CHODL: variants seen among roughly 807,000 people sequenced by gnomAD.
CHODL encodes chondrolectin.
Under a neutral mutation model 34.5 loss-of-function variants are expected in CHODL, and 29 were observed. The observed-to-expected ratio is 0.84, with a 90% CI of 0.63 to 1.15. The LOEUF is 1.15. CHODL is among the 50% of genes most tolerant of loss of function. CHODL has a pLI of 0.00. For missense variants in CHODL, 332 were observed against 332.5 expected, an observed-to-expected ratio of 1.00 and a Z score of 0.01; for synonymous variants, 125 against 116.1, an observed-to-expected ratio of 1.08 and a Z score of -0.49.
At position 18,256,630 on chromosome 21, in the gene CHODL, C is replaced by T. The variant is rs1483370034; in HGVS notation, c.201C>T (p.Val67=). ...TGGCTTGTGAGAGTGAGGGAGGAGT[C>T]CTCCTCAGCCTTGAGAATGAAGCAG... ...ARLACESEGG[V]LLSLENEAEQ... The change falls in exon 2 of 6, where the codon GTC becomes GTT. Residue 67 remains valine (V), a synonymous_variant. Coordinates refer to ENST00000299295, the MANE Select transcript of CHODL (RefSeq NM_024944.3). 1 of 1,614,010 alleles carries T rather than the reference C, an allele frequency of 6.2e-7. No homozygotes were observed. Among genetic ancestry groups the T allele is most frequent in the South Asian group, 1.1e-5 (1 of 91,068 alleles).
At chr21:18,263,475 G>T (rs191725175) in intron 5 of CHODL, among the ~76,000 whole-genome samples, 404 of 152,148 alleles carry the variant, frequency 2.7e-3, no homozygotes, top group African/African-American at 9.4e-3. Context: ...AAGATTTCTG[G>T]GGGAATATTA....
At chr21:18,090,133 C>G (rs1036122341) in intron 2 of CHODL, among the ~76,000 whole-genome samples, 2 of 152,190 alleles carry the variant, frequency 1.3e-5, no homozygotes, top group African/African-American at 2.4e-5. Context: ...AGACATGTAA[C>G]AGTTTACTTG....
intron 2 of CHODL, among the ~76,000 whole-genome samples, chr21:18,237,156 C>A (rs2074035944): frequency 6.6e-6 from 1 of 151,970 alleles, no homozygotes; most frequent in Non-Finnish European, 1.5e-5. Flanking sequence ...CTGTTCTGGG[C>A]AAATTAGTAC....
intron 2 of CHODL, among the ~76,000 whole-genome samples, chr21:18,174,867 T>C (rs953944411): frequency 8.5e-5 from 13 of 152,172 alleles, no homozygotes; most frequent in Non-Finnish European, 1.8e-4. Flanking sequence ...ATAAAGGCAT[T>C]TTAGCAAATT....
intron 2 of CHODL, among the ~76,000 whole-genome samples, chr21:18,103,520 T>G: frequency 6.6e-6 from 1 of 152,102 alleles, no homozygotes. Flanking sequence ...CATGATTTTT[T>G]GGGTCAGGAA....
intron 1 of CHODL, among the ~76,000 whole-genome samples, chr21:17,952,382 A>C (rs1398779624): frequency 6.6e-6 from 1 of 152,104 alleles, no homozygotes; most frequent in African/African-American, 2.4e-5. Context: ...TACCATGATA[A>C]GGATGATGGC....
At chr21:18,028,277 C>CCTTCCTT in intron 2 of CHODL, among the ~76,000 whole-genome samples, 1 of 98,998 alleles carries the variant, frequency 1.0e-5, no homozygotes, top group South Asian at 4.3e-4. Context: ...TTTCCTTTTC[C>CCTTCCTT]CCTTCCTTCC....
intron 2 of CHODL, among the ~76,000 whole-genome samples, chr21:18,070,034 C>T (rs1236068855): frequency 1.1e-5 from 1 of 91,224 alleles, no homozygotes; most frequent in African/African-American, 3.4e-5. Context: ...CTCCCCCCCC[C>T]CACCCATTTC....
chr21:18,203,067 A>T (rs2073672862), intron 2 of CHODL, among the ~76,000 whole-genome samples: 1 of 152,192 alleles, frequency 6.6e-6, no homozygotes. Flanking sequence ...TTTAAAATTC[A>T]GTGTTTTTTT....
chr21:17,927,110 A>ATATATGTG (rs2063231998), intron 1 of CHODL, among the ~76,000 whole-genome samples: 1 of 132,512 alleles, frequency 7.5e-6, no homozygotes, highest in Admixed American at 7.3e-5. Context: ...GTGTGTATGT[A>ATATATGTG]TATATGTATA....
At chr21:17,958,146 G>A (rs2063506589) in intron 1 of CHODL, among the ~76,000 whole-genome samples, 1 of 152,032 alleles carries the variant, frequency 6.6e-6, no homozygotes, top group Non-Finnish European at 1.5e-5. Context: ...TCAAGATGAA[G>A]AATAATTTGG....
At chr21:17,997,881 C>T (rs2063866820) in intron 1 of CHODL, among the ~76,000 whole-genome samples, 1 of 152,032 alleles carries the variant, frequency 6.6e-6, no homozygotes, top group South Asian at 2.1e-4. Context: ...CACAGCCAAG[C>T]CGTATAATTC....
At chr21:18,115,876 T>A (rs916270995) in intron 2 of CHODL, among the ~76,000 whole-genome samples, 6 of 152,198 alleles carry the variant, frequency 3.9e-5, no homozygotes, top group Non-Finnish European at 7.3e-5. Flanking sequence ...TTTCCCACTC[T>A]GCTACAACTG....
At chr21:17,949,492 G>C (rs1407062140) in intron 1 of CHODL, among the ~76,000 whole-genome samples, 1 of 152,144 alleles carries the variant, frequency 6.6e-6, no homozygotes, top group East Asian at 1.9e-4. Flanking sequence ...TGTCTATGTG[G>C]GAGGGGGTAA....
At chr21:17,970,323 C>A (rs1600843988) in intron 1 of CHODL, among the ~76,000 whole-genome samples, 1 of 152,094 alleles carries the variant, frequency 6.6e-6, no homozygotes, top group Non-Finnish European at 1.5e-5. Context: ...TCTGTCTTCG[C>A]CATCTTATTT....
At chr21:18,040,841 G>C (rs1381552515) in intron 2 of CHODL, among the ~76,000 whole-genome samples, 1 of 151,698 alleles carries the variant, frequency 6.6e-6, no homozygotes, top group African/African-American at 2.4e-5. Context: ...TTTAATTAGA[G>C]AACATTTCAT....
At chr21:18,164,379 T>A (rs1474424843) in intron 2 of CHODL, among the ~76,000 whole-genome samples, 1 of 152,180 alleles carries the variant, frequency 6.6e-6, no homozygotes. Context: ...ACAATATAAG[T>A]AGGATCTAGA....
intron 1 of CHODL, among the ~76,000 whole-genome samples, chr21:18,014,978 A>G (rs1370002352): frequency 1.3e-5 from 2 of 152,224 alleles, no homozygotes; most frequent in Non-Finnish European, 2.9e-5. Flanking sequence ...TAATGGGCAG[A>G]TGTTGGAAGA....
chr21:18,171,464 C>T (rs1055097130), intron 2 of CHODL, among the ~76,000 whole-genome samples: 1 of 151,814 alleles, frequency 6.6e-6, no homozygotes, highest in Non-Finnish European at 1.5e-5. Context: ...GCCTCGGCCT[C>T]CCAAAGTGCT....
Sources: allele counts gnomAD v4.1 joint callset (sites outside exome capture counted in the v4.1 genomes callset), GRCh38; gene constraint gnomAD v4.1.1; transcripts MANE v1.5; gene names NCBI Gene and HGNC (gene_info 2026-07-23, HGNC 2026-07-21).